COMMD1: variants seen among roughly 807,000 people sequenced by gnomAD.
COMMD1 encodes the protein copper metabolism domain containing 1, also known as COMM domain-containing protein 1.
In COMMD1, 10 loss-of-function variants were observed where a neutral mutation model predicts 17.2. The observed-to-expected ratio is 0.58, with a 90% confidence interval of 0.36 to 0.99. The LOEUF is 0.99. Among genes scored for constraint, COMMD1 ranks in the 50% least tolerant of loss-of-function variants. COMMD1 has a pLI of 0.01. For missense variants in COMMD1, 270 were observed against 231.8 expected (o/e 1.17, Z -1.07); for synonymous variants, 97 against 91.6 (o/e 1.06, Z -0.34).
intron 2 of COMMD1, among the ~76,000 whole-genome samples, chr2:62,106,669 C>T (rs184334515): frequency 1.8e-3 from 281 of 152,190 alleles, no homozygotes; most frequent in Non-Finnish European, 1.7e-3. Context: ...AACGTATAGA[C>T]GTAGGGAAGC....
intron 2 of COMMD1, among the ~76,000 whole-genome samples, chr2:62,009,498 G>A (rs930827130): frequency 6.6e-6 from 1 of 151,836 alleles, no homozygotes; most frequent in Non-Finnish European, 1.5e-5. Context: ...CCAACTACTT[G>A]GGAGGCTGAG....
intron 2 of COMMD1, among the ~76,000 whole-genome samples, chr2:62,122,910 C>T (rs1480821367): frequency 6.6e-6 from 1 of 152,200 alleles, no homozygotes; most frequent in Non-Finnish European, 1.5e-5. Flanking sequence ...GGCCCTGAGC[C>T]TGCAGATAAA....
intron 2 of COMMD1, among the ~76,000 whole-genome samples, chr2:62,134,269 A>G (rs773251960): frequency 1.3e-5 from 2 of 152,218 alleles, no homozygotes; most frequent in Non-Finnish European, 2.9e-5. Context: ...TAGTTAGGAA[A>G]ATACAGAGAA....
chr2:62,008,361 GAC>G (rs151332274), intron 2 of COMMD1, among the ~76,000 whole-genome samples: 14,673 of 146,304 alleles, frequency 0.1, 1,537 homozygotes, highest in African/African-American at 0.27. Context: ...CACACAGACA[GAC>G]ACACACACAC....
chr2:62,000,402 G>T (rs902360143), intron 1 of COMMD1, among the ~76,000 whole-genome samples: 1 of 151,624 alleles, frequency 6.6e-6, no homozygotes, highest in African/African-American at 2.4e-5. Flanking sequence ...CTCCTGAGTA[G>T]CTGAGATTAC....
chr2:61,897,404 G>T (rs1006415330), intron 1 of COMMD1, among the ~76,000 whole-genome samples: 1 of 152,120 alleles, frequency 6.6e-6, no homozygotes, highest in Non-Finnish European at 1.5e-5. Context: ...GTTAAGTTGT[G>T]TTTTGTTACA....
chr2:62,030,922 T>G (rs1323978072), intron 2 of COMMD1, among the ~76,000 whole-genome samples: 3 of 152,172 alleles, frequency 2.0e-5, no homozygotes, highest in Non-Finnish European at 4.4e-5. Context: ...AGGTTTGGAT[T>G]TAGGTTTACA....
rs766788858 is a variant in COMMD1, at chr2:61,905,693, G to C, written c.15G>C (p.Glu5Asp). 1.5e-5 allele frequency: 24 copies of C among 1,572,756 alleles called. No individual in the cohort carries two copies. The Admixed American group carries it at 2.8e-4, about 18-fold the overall frequency. Residue 5 changes from glutamate to aspartate, a missense_variant, in exon 1 of 3, where the codon GAG becomes GAC. By Grantham distance (45) the Glu-to-Asp change is conservative. Transcript: ENST00000311832. MAAG[E>D]LEGGKPLSGL... ...CTTCGCAGAGCATGGCGGCGGGCGA[G>C]CTTGAGGGTGGCAAACCCCTGAGCG...
intron 2 of COMMD1, among the ~76,000 whole-genome samples, chr2:62,128,116 T>G (rs1454996047): frequency 6.7e-6 from 1 of 149,700 alleles, no homozygotes; most frequent in Non-Finnish European, 1.5e-5. Flanking sequence ...TCATTTGAGA[T>G]CAGAAATTCA....
chr2:61,994,309 C>G (rs1668685236), intron 1 of COMMD1, among the ~76,000 whole-genome samples: 1 of 152,124 alleles, frequency 6.6e-6, no homozygotes, highest in Non-Finnish European at 1.5e-5. Context: ...ATTGGCATAG[C>G]CAGAGGTTTG....
rs1671953727 is a variant in COMMD1, at chr2:62,094,793, T to G, written c.463-41038T>G. 2.0e-5 allele frequency among the ~76,000 whole-genome samples: 3 copies of G among 152,254 alleles called. No individual in the cohort carries two copies. The South Asian group carries it at 6.2e-4, about 31-fold the overall frequency. Reference sequence around the variant, plus strand: ...AAAAGTGGAAAAATGATACTTAATGTTCAAATTTATTTGGCTGTAGTCTCA... The same window carrying G: ...AAAAGTGGAAAAATGATACTTAATGGTCAAATTTATTTGGCTGTAGTCTCA... On this transcript the variant is annotated intron_variant, in intron 2 of 2. Coordinates refer to ENST00000311832, the MANE Select transcript of COMMD1 (RefSeq NM_152516.4).
intron 2 of COMMD1, among the ~76,000 whole-genome samples, chr2:62,123,744 C>G (rs1056943766): frequency 1.3e-5 from 2 of 151,694 alleles, no homozygotes; most frequent in African/African-American, 4.9e-5. Context: ...GGTCCTACAC[C>G]CACTAGCCCC....
intron 1 of COMMD1, among the ~76,000 whole-genome samples, chr2:61,954,922 G>A (rs375242882): frequency 6.6e-6 from 1 of 152,104 alleles, no homozygotes; most frequent in Non-Finnish European, 1.5e-5. Flanking sequence ...CGATCCACCC[G>A]CCTCGGCCTT....
At chr2:62,121,507 G>A (rs1206159548) in intron 2 of COMMD1, among the ~76,000 whole-genome samples, 3 of 151,330 alleles carry the variant, frequency 2.0e-5, no homozygotes, top group Non-Finnish European at 4.4e-5. Context: ...GGAGGCCAAG[G>A]TGGGTGGATC....
Position 62,083,473 on chromosome 2 carries a change from C to T in COMMD1, c.463-52358C>T, listed in dbSNP as rs188415818. ...CTTGCCCATGGGCTGAAGTTTGCCA[C>T]GCACTTCTGATCTAGAATAGTCCTG... On this transcript the variant is annotated intron_variant, in intron 2 of 2. Coordinates refer to ENST00000311832, the MANE Select transcript of COMMD1 (RefSeq NM_152516.4). Among the ~76,000 whole-genome samples, 594 of 152,328 alleles carry T rather than the reference C, an allele frequency of 3.9e-3. 2 individuals carry two copies. Among genetic ancestry groups the T allele is most frequent in the Middle Eastern group, 6.8e-3 (2 of 294 alleles).
intron 1 of COMMD1, among the ~76,000 whole-genome samples, chr2:61,916,321 C>T (rs1004728793): frequency 1.3e-5 from 2 of 152,088 alleles, no homozygotes; most frequent in South Asian, 2.1e-4. Context: ...CAAGAGTTAT[C>T]TTCTCTTAAG....
intron 1 of COMMD1, among the ~76,000 whole-genome samples, chr2:61,975,895 G>C (rs1252231958): frequency 6.6e-6 from 1 of 152,118 alleles, no homozygotes; most frequent in African/African-American, 2.4e-5. Context: ...AATGTGGTCT[G>C]TCTTGGTCGT....
chr2:61,959,348 A>G (rs1039072910), intron 1 of COMMD1, among the ~76,000 whole-genome samples: 12 of 152,240 alleles, frequency 7.9e-5, no homozygotes. Flanking sequence ...GGAAACCTTA[A>G]TAGTATATAT....
intron 2 of COMMD1, among the ~76,000 whole-genome samples, chr2:62,060,988 G>C (rs923113353): frequency 1.3e-5 from 2 of 151,698 alleles, no homozygotes; most frequent in Admixed American, 1.3e-4. Flanking sequence ...CCAATCTGCT[G>C]TTTTGACCTT....
Sources: allele counts gnomAD v4.1 joint callset (sites outside exome capture counted in the v4.1 genomes callset), GRCh38; gene constraint gnomAD v4.1.1; transcripts MANE v1.5; gene names NCBI Gene and HGNC (gene_info 2026-07-23, HGNC 2026-07-21).